The following UBE2D2 variants were observed in gnomAD, a reference collection of about 807,000 sequenced individuals.
UBE2D2 encodes ubiquitin conjugating enzyme E2 D2.
In UBE2D2, 2 loss-of-function variants were observed where a neutral mutation model predicts 24.2. The ratio of observed to expected loss-of-function variants is 0.08; its 90% CI spans 0.03 to 0.26. The LOEUF (loss-of-function observed/expected upper bound fraction) is 0.26. UBE2D2 is among the 10% of genes least tolerant of loss of function. UBE2D2 has a pLI of 1.00. For synonymous variants in UBE2D2, 58 were observed against 56.5 expected, an observed-to-expected ratio of 1.03 and a Z score of -0.12; for missense variants, 44 against 177.6, an observed-to-expected ratio of 0.25 and a Z score of 4.28.
chr5:139,564,192 C>T (rs1044835651), intron 1 of UBE2D2, among the ~76,000 whole-genome samples: 3 of 152,040 alleles, frequency 2.0e-5, no homozygotes, highest in Admixed American at 6.6e-5. Flanking sequence ...TCAGTCTTGT[C>T]GCCCAGGCTG....
intron 1 of UBE2D2, among the ~76,000 whole-genome samples, chr5:139,594,665 C>G (rs753342249): frequency 6.6e-6 from 1 of 152,132 alleles, no homozygotes; most frequent in African/African-American, 2.4e-5. Flanking sequence ...CCACCCACCT[C>G]GACCTCCCAA....
intron 2 of UBE2D2, among the ~76,000 whole-genome samples, chr5:139,601,918 A>G (rs1754087655): frequency 6.6e-6 from 1 of 152,074 alleles, no homozygotes; most frequent in South Asian, 2.1e-4. Flanking sequence ...TCAAAAAAAA[A>G]AAAAAGAAAA....
intron 1 of UBE2D2, among the ~76,000 whole-genome samples, chr5:139,582,766 G>A (rs1298861487): frequency 6.7e-6 from 1 of 149,952 alleles, no homozygotes. Flanking sequence ...CACCTCCTGG[G>A]TTCACTCCAT....
intron 1 of UBE2D2, among the ~76,000 whole-genome samples, chr5:139,584,247 C>T (rs189803095): frequency 2.4e-3 from 362 of 152,238 alleles, no homozygotes; most frequent in African/African-American, 8.1e-3. Context: ...TAGTTGCCTG[C>T]AGTATTCAGC....
At chr5:139,566,548 G>A (rs1274168865) in intron 1 of UBE2D2, among the ~76,000 whole-genome samples, 2 of 152,074 alleles carry the variant, frequency 1.3e-5, no homozygotes, top group Non-Finnish European at 2.9e-5. Flanking sequence ...GGTGGTGGAT[G>A]GCTGTAGTCC....
chr5:139,539,775 A>G (rs189685556), intron 1 of UBE2D2, among the ~76,000 whole-genome samples: 1 of 151,316 alleles, frequency 6.6e-6, no homozygotes, highest in East Asian at 2.0e-4. Context: ...TATTTTTAGT[A>G]GATATCGTGT....
chr5:139,582,101 C>T (rs2126666385), intron 1 of UBE2D2, among the ~76,000 whole-genome samples: 1 of 151,698 alleles, frequency 6.6e-6, no homozygotes, highest in African/African-American at 2.4e-5. Context: ...AGCCATCCTC[C>T]CAAGGACTGT....
intron 1 of UBE2D2, among the ~76,000 whole-genome samples, chr5:139,585,954 A>G (rs1753718150): frequency 6.7e-6 from 1 of 150,294 alleles, no homozygotes; most frequent in African/African-American, 2.4e-5. Context: ...AAAAAAAAAA[A>G]AAAAAAAGAA....
intron 5 of UBE2D2, among the ~76,000 whole-genome samples, chr5:139,622,269 A>AT (rs1754525915): frequency 6.6e-6 from 1 of 150,880 alleles, no homozygotes; most frequent in South Asian, 2.1e-4. Flanking sequence ...TTGGAGATGG[A>AT]TTTTTTGCTG....
Position 139,596,861 on chromosome 5 carries a change from C to G in UBE2D2, c.25-3511C>G, listed in dbSNP as rs572399773. 9.2e-5 allele frequency among the ~76,000 whole-genome samples: 14 copies of G among 151,880 alleles called. No homozygotes were observed. The South Asian group carries it at 2.9e-3, about 32-fold the overall frequency. Reference sequence around the variant, plus strand: ...GGAGATCGAGACCATCCTGCTAACACGGTGAAACCCCATCTCTTCTAAAAA... The same window carrying G: ...GGAGATCGAGACCATCCTGCTAACAGGGTGAAACCCCATCTCTTCTAAAAA... On this transcript the variant is annotated intron_variant, in intron 1 of 6. Coordinates refer to ENST00000398733, the MANE Select transcript of UBE2D2 (RefSeq NM_003339.3).
chr5:139,549,186 T>C (rs1752872777), intron 1 of UBE2D2, among the ~76,000 whole-genome samples: 1 of 152,094 alleles, frequency 6.6e-6, no homozygotes, highest in East Asian at 1.9e-4. Flanking sequence ...GGTGACAACG[T>C]GCTAGCAGCC....
intron 1 of UBE2D2, among the ~76,000 whole-genome samples, chr5:139,596,292 C>CTG (rs1264697470): frequency 6.6e-6 from 1 of 150,406 alleles, no homozygotes; most frequent in East Asian, 2.0e-4. Context: ...TCTGAATGTC[C>CTG]TGTGTGTGTG....
At chr5:139,574,213 G>A (rs1456407406) in intron 1 of UBE2D2, among the ~76,000 whole-genome samples, 2 of 147,704 alleles carry the variant, frequency 1.4e-5, no homozygotes, top group Non-Finnish European at 3.0e-5. Context: ...CCTGGGAGGC[G>A]GAGGTTGCAG....
intron 1 of UBE2D2, among the ~76,000 whole-genome samples, chr5:139,537,554 A>G (rs1162214889): frequency 6.6e-6 from 1 of 151,814 alleles, no homozygotes; most frequent in African/African-American, 2.4e-5. Flanking sequence ...ATGTCTCACC[A>G]TGTTGGCTAG....
intron 1 of UBE2D2, among the ~76,000 whole-genome samples, chr5:139,538,825 A>G (rs1239239575): frequency 6.6e-6 from 1 of 151,810 alleles, no homozygotes; most frequent in African/African-American, 2.4e-5. Flanking sequence ...GTGAGCGATC[A>G]TGCCATTGCA....
chr5:139,576,961 A>T (rs1249214952), intron 1 of UBE2D2, among the ~76,000 whole-genome samples: 9 of 126,882 alleles, frequency 7.1e-5, no homozygotes, highest in African/African-American at 1.2e-4. Flanking sequence ...TTTTTTTTTA[A>T]CTTGAATTTT....
chr5:139,619,567 TAAAGA>T (rs1465480397), intron 5 of UBE2D2, among the ~76,000 whole-genome samples: 1 of 152,072 alleles, frequency 6.6e-6, no homozygotes, highest in Non-Finnish European at 1.5e-5. Flanking sequence ...GGATAATTTA[TAAAGA>T]AAAGGGTTTT....
In UBE2D2 at chr5:139,532,188, T is replaced by TGG. The variant is rs1554075339; in HGVS notation, c.-64+5582_-64+5583dup. On this transcript the variant is annotated intron_variant, in intron 1 of 6. Transcript: ENST00000511725. ...ATTTATTCTACTTTTTTTTTTTTTT[T>TGG]GGGGGGGACAGAGTCTTGCTCTGTT... Among the ~76,000 whole-genome samples the TGG allele has an allele frequency of 3.0e-3, 443 of 150,066 alleles. 3 individuals carry two copies. Among genetic ancestry groups the TGG allele is most frequent in the African/African-American group, 9.4e-3 (383 of 40,886 alleles).
At chr5:139,562,527 C>A in intron 1 of UBE2D2, 2 of 1,072,238 alleles carry the variant, frequency 1.9e-6, no homozygotes, top group Non-Finnish European at 2.4e-6. Flanking sequence ...AAAAGCTGTA[C>A]ATTGGCAAAG....
Sources: allele counts gnomAD v4.1 joint callset (sites outside exome capture counted in the v4.1 genomes callset), GRCh38; gene constraint gnomAD v4.1.1; transcripts MANE v1.5; gene names NCBI Gene and HGNC (gene_info 2026-07-23, HGNC 2026-07-21).